The following SSBP2 variants were observed in gnomAD, a reference collection of about 807,000 sequenced individuals.
The protein encoded by SSBP2 is single-stranded DNA-binding protein 2.
Under a neutral mutation model 61.8 loss-of-function variants are expected in SSBP2, and 17 were observed. The ratio of observed to expected loss-of-function variants is 0.28; its 90% CI spans 0.19 to 0.41. The LOEUF is 0.41. Among genes scored for constraint, SSBP2 ranks in the 10% least tolerant of loss-of-function variants. The pLI, the probability that SSBP2 is intolerant of heterozygous loss-of-function variation, is 1.00. For missense variants in SSBP2, 310 were observed against 458.7 expected, an observed-to-expected ratio of 0.68 and a Z score of 2.96; for synonymous variants, 139 against 141.3, an observed-to-expected ratio of 0.98 and a Z score of 0.12.
intron 4 of SSBP2, among the ~76,000 whole-genome samples, chr5:81,517,854 C>G (rs1769154711): frequency 6.6e-6 from 1 of 151,018 alleles, no homozygotes; most frequent in Non-Finnish European, 1.5e-5. Flanking sequence ...AGTTAAAAAC[C>G]TTCTTATTTT....
intron 4 of SSBP2, among the ~76,000 whole-genome samples, chr5:81,591,979 C>T (rs551918122): frequency 3.9e-5 from 6 of 152,334 alleles, no homozygotes; most frequent in East Asian, 1.9e-4. Flanking sequence ...GAGTGCCAGA[C>T]AGTAGCTGCA....
chr5:81,564,121 A>C (rs889383591), intron 4 of SSBP2, among the ~76,000 whole-genome samples: 1 of 152,234 alleles, frequency 6.6e-6, no homozygotes, highest in Non-Finnish European at 1.5e-5. Flanking sequence ...GAAGATATAC[A>C]AATGGCCAAC....
intron 9 of SSBP2, among the ~76,000 whole-genome samples, chr5:81,466,757 A>G (rs562350207): frequency 1.3e-5 from 2 of 152,104 alleles, no homozygotes; most frequent in East Asian, 3.9e-4. Flanking sequence ...AAGAAAACAT[A>G]AGAGATTATG....
chr5:81,661,460 C>T (rs938942218), intron 1 of SSBP2, among the ~76,000 whole-genome samples: 20 of 151,962 alleles, frequency 1.3e-4, no homozygotes, highest in Admixed American at 1.3e-3. Context: ...AATTTATATT[C>T]CCACCAACAG....
intron 4 of SSBP2, among the ~76,000 whole-genome samples, chr5:81,558,638 A>G (rs1313145210): frequency 1.3e-5 from 2 of 152,264 alleles, no homozygotes; most frequent in African/African-American, 2.4e-5. Flanking sequence ...TGACTTGTCT[A>G]AACATAGTGG....
intron 1 of SSBP2, among the ~76,000 whole-genome samples, chr5:81,678,791 C>T (rs1003359427): frequency 6.6e-5 from 10 of 151,954 alleles, no homozygotes; most frequent in African/African-American, 2.2e-4. Context: ...AATAAAAGAA[C>T]GCCAAACCTA....
chr5:81,491,151 T>C (rs528726302), intron 5 of SSBP2, among the ~76,000 whole-genome samples: 33 of 152,196 alleles, frequency 2.2e-4, no homozygotes, highest in Non-Finnish European at 4.4e-4. Flanking sequence ...TAATAAATAT[T>C]GTGTCATTGG....
intron 1 of SSBP2, among the ~76,000 whole-genome samples, chr5:81,736,092 G>C (rs1256161880): frequency 1.3e-5 from 2 of 151,228 alleles, no homozygotes; most frequent in Non-Finnish European, 2.9e-5. Context: ...ATTAGTCATT[G>C]CTTATTTCTG....
chr5:81,425,317 C>T (rs1247139687), intron 16 of SSBP2, among the ~76,000 whole-genome samples: 1 of 152,106 alleles, frequency 6.6e-6, no homozygotes, highest in Admixed American at 6.5e-5. Context: ...AACAGTTCCT[C>T]TACCCTGAGC....
intron 4 of SSBP2, among the ~76,000 whole-genome samples, chr5:81,554,326 ATTACTGACATTCTT>A (rs1229759173): frequency 7.9e-5 from 12 of 151,928 alleles, no homozygotes; most frequent in Non-Finnish European, 1.2e-4. Flanking sequence ...AAATATGCCT[ATTACTGACATTCTT>A]TCATTCAAAA....
At chr5:81,440,300 T>C (rs1561400787) in intron 14 of SSBP2, among the ~76,000 whole-genome samples, 1 of 152,162 alleles carries the variant, frequency 6.6e-6, no homozygotes, top group East Asian at 1.9e-4. Context: ...TCTCCTTTTA[T>C]GGTAAGACAT....
chr5:81,638,023 T>A (rs918398512), intron 2 of SSBP2, among the ~76,000 whole-genome samples: 1 of 146,494 alleles, frequency 6.8e-6, no homozygotes, highest in Non-Finnish European at 1.5e-5. Flanking sequence ...AAACACCGCA[T>A]GTTCTCACTT....
chr5:81,488,260 T>C (rs991942507), intron 6 of SSBP2, among the ~76,000 whole-genome samples: 4 of 151,624 alleles, frequency 2.6e-5, no homozygotes, highest in South Asian at 2.1e-4. Flanking sequence ...CTGTATCGTA[T>C]GGTAGTTCAA....
chr5:81,629,748 C>T lies in SSBP2; in HGVS notation c.197+6809G>A, dbSNP rs115052474. Among the ~76,000 whole-genome samples, 1,178 of 152,226 alleles carry T rather than the reference C, an allele frequency of 7.7e-3. 15 individuals are homozygous for T. Among genetic ancestry groups the T allele is most frequent in the African/African-American group, 0.027 (1,135 of 41,528 alleles). ...AAAAATTGTATATATTTAAGATGTA[C>T]AATGTGAAGTTTTGATATACATATA... On this transcript the variant is annotated intron_variant, in intron 3 of 16. Transcript: ENST00000320672.
intron 1 of SSBP2, among the ~76,000 whole-genome samples, chr5:81,696,005 G>T (rs771904169): frequency 6.6e-6 from 1 of 152,056 alleles, no homozygotes; most frequent in African/African-American, 2.4e-5. Flanking sequence ...TTGATAAAAA[G>T]GAAATGTTAA....
intron 5 of SSBP2, among the ~76,000 whole-genome samples, chr5:81,512,446 T>A (rs1768689051): frequency 1.3e-5 from 2 of 152,198 alleles, no homozygotes; most frequent in Non-Finnish European, 2.9e-5. Context: ...AGTGTAAGCT[T>A]TTATTTTCAA....
chr5:81,711,693 TA>T (rs71000855), intron 1 of SSBP2, among the ~76,000 whole-genome samples: 17 of 148,862 alleles, frequency 1.1e-4, no homozygotes, highest in African/African-American at 2.2e-4. Context: ...CTCTACATGA[TA>T]AAAAAAAAAA....
intron 15 of SSBP2, among the ~76,000 whole-genome samples, chr5:81,429,623 A>G (rs1182229766): frequency 1.1e-4 from 17 of 151,998 alleles, no homozygotes; most frequent in Non-Finnish European, 2.9e-5. Context: ...CAAATGGAAG[A>G]AATAACTTAC....
intron 4 of SSBP2, among the ~76,000 whole-genome samples, chr5:81,515,679 C>T (rs1427561768): frequency 6.9e-6 from 1 of 144,106 alleles, no homozygotes; most frequent in African/African-American, 2.6e-5. Context: ...TGACTAATTG[C>T]TTATTTTTTT....
Sources: allele counts gnomAD v4.1 joint callset (sites outside exome capture counted in the v4.1 genomes callset), GRCh38; gene constraint gnomAD v4.1.1; transcripts MANE v1.5; gene names NCBI Gene and HGNC (gene_info 2026-07-23, HGNC 2026-07-21).